ACTB: variants seen among roughly 807,000 people sequenced by gnomAD.
ACTB encodes the protein actin beta, also known as actin, cytoplasmic 1.
ACTB carries 2 observed loss-of-function variants against 30.5 expected under a neutral mutation model. The observed-to-expected ratio is 0.07, with a 90% CI of 0.03 to 0.21. The LOEUF (loss-of-function observed/expected upper bound fraction) is 0.21, where lower values mean the gene tolerates loss of function less well. ACTB is among the 10% of genes least tolerant of loss of function. ACTB has a pLI of 1.00. For synonymous variants in ACTB, 335 were observed against 217.6 expected, an observed-to-expected ratio of 1.54 and a Z score of -4.75; for missense variants, 56 against 530.0, an observed-to-expected ratio of 0.11 and a Z score of 8.78.
intron 3 of ACTB, 154 bp downstream of exon 3, chr7:5,529,007 A>C (rs1296752654): frequency 6.2e-7 from 1 of 1,605,870 alleles, no homozygotes; most frequent in Non-Finnish European, 8.5e-7. Flanking sequence ...TCTGGGAAAA[A>C]GCAAATAGAA....
At position 5,528,064 on chromosome 7, in the gene ACTB, G is replaced by C. The variant is rs1584261529; in HGVS notation, c.924C>G (p.Gly308=). ...TCTCCTTCTGCATCCTGTCGGCAAT[G>C]CCAGGGTACATGGTGGTGCCGCCAG... The part of the protein sequence containing the change: ...VLSGGTTMYP[G]IADRMQKEIT... Residue 308 remains glycine, a synonymous_variant, in exon 5 of 6, where the codon GGC becomes GGG. Transcript: ENST00000646664. The C allele has an allele frequency of 6.2e-7, 1 of 1,614,250 alleles. No individual in the cohort carries two copies. Among genetic ancestry groups the C allele is most frequent in the Non-Finnish European group, 8.5e-7 (1 of 1,180,042 alleles).
chr7:5,529,900 G>A (rs1404744802), intron 1 of ACTB: 3 of 618,366 alleles, frequency 4.9e-6, no homozygotes, highest in South Asian at 1.6e-5. Context: ...CCCCGCCTCC[G>A]CCCGGTTCAA....
chr7:5,527,326 A>G lies in ACTB; in HGVS notation c.*422T>C, dbSNP rs11546889. 1.6e-4 allele frequency: 42 copies of G among 255,660 alleles called. No individual in the cohort carries two copies. Among genetic ancestry groups the G allele is most frequent in the African/African-American group, 9.1e-4 (39 of 42,640 alleles). 15.8% of individuals were successfully genotyped at this position (255,660 alleles called of 1,614,324 possible). A position where few individuals can be genotyped will look rare whatever the true frequency, so the allele number is the denominator to read the frequency against. ...CATTCAAAATAAAACAAAATAAAAA[A>G]GTATTAAGGCGAAGATTAAAAAAAT... On this transcript the variant is annotated 3_prime_UTR_variant, in exon 6 of 6. Transcript: ENST00000646664.
At chr7:5,528,878 C>T in intron 3 of ACTB, 159 bp from the exon 4 acceptor site, 3 of 1,401,952 alleles carry the variant, frequency 2.1e-6, no homozygotes, top group Admixed American at 2.0e-5. Flanking sequence ...TTAATACACA[C>T]TCCAAGGCCG....
Position 5,529,088 on chromosome 7 carries a change from G to A in ACTB, c.363+73C>T, listed in dbSNP as rs760023216. ...CGGAAAACGGCAGAAGAGAGAACCA[G>A]TGAGAAAGGGCGCAGCTCCGGGAGG... On this transcript the variant is annotated intron_variant, in intron 3 of 5. Coordinates refer to ENST00000646664, the MANE Select transcript of ACTB (RefSeq NM_001101.5). The A allele has an allele frequency of 3.1e-6, 5 of 1,613,378 alleles. No homozygotes were observed. In the African/African-American group the frequency reaches 5.3e-5, roughly 17 times the overall value.
At chr7:5,529,797 C>T (rs748307050) in intron 1 of ACTB, 134 bp from the exon 2 acceptor site, 12 of 1,427,170 alleles carry the variant, frequency 8.4e-6, no homozygotes, top group Middle Eastern at 1.8e-4. Flanking sequence ...GGGCCGGCCG[C>T]GTTATTACCA....
At chr7:5,530,463 GGCCGCGGCC>G (rs1402692622) in intron 1 of ACTB, 52 bp downstream of exon 1, 1 of 151,546 alleles carries the variant, frequency 6.6e-6, no homozygotes, top group Non-Finnish European at 1.5e-5. Flanking sequence ...CGGGCGAAGG[GGCCGCGGCC>G]GCCTGCGGCC....
chr7:5,528,504 G>T lies in ACTB; in HGVS notation c.579C>A (p.Leu193=), dbSNP rs759523049. 20 of 1,614,104 alleles carry T rather than the reference G, an allele frequency of 1.2e-5. No individual in the cohort carries two copies. In the South Asian group the frequency reaches 1.8e-4, roughly 14 times the overall value. ...TGGTGAAGCTGTAGCCGCGCTCGGT[G>T]AGGATCTTCATGAGGTAGTCAGTCA... is the stretch of plus-strand genomic sequence containing the variant. ...RDLTDYLMKI[L]TERGYSFTTT... is the part of the protein sequence containing the mutation. Residue 193 remains leucine, a synonymous_variant, in exon 4 of 6, where the codon CTC becomes CTA. Coordinates refer to ENST00000646664, the MANE Select transcript of ACTB (RefSeq NM_001101.5).
At chr7:5,529,738 G>A (rs1053748540) in intron 1 of ACTB, 75 bp from the exon 2 acceptor site, 7 of 1,601,908 alleles carry the variant, frequency 4.4e-6, no homozygotes, top group African/African-American at 1.3e-5. Flanking sequence ...CGAGTCCTTA[G>A]GCCGCCAGGG....
Position 5,527,786 on chromosome 7 carries a change from C to G in ACTB, c.1090G>C (p.Glu364Gln), listed in dbSNP as rs368352689. 6.2e-7 allele frequency: 1 copy of G among 1,613,928 alleles called. No individual in the cohort carries two copies. Among genetic ancestry groups the G allele is most frequent in the Non-Finnish European group, 8.5e-7 (1 of 1,180,018 alleles). ...QMWISKQEYD[E>Q]SGPSIVHRKC... ...CGGTGGACGATGGAGGGGCCGGACT[C>G]GTCATACTCCTGCTTGCTGATCCAC... Residue 364 changes from glutamate (E) to glutamine (Q), a missense_variant, in exon 6 of 6, where the codon GAG becomes CAG. Physicochemically the swap from Glu to Gln is conservative, Grantham distance 29 (BLOSUM62 2). Around this residue, in one of 5 missense-constraint regions of ACTB, gnomAD observed 4 missense variants for 61.9 expected, o/e 0.06. Transcript: ENST00000646664.
At position 5,527,885 on chromosome 7, in the gene ACTB, C is replaced by A. The variant is rs1258464822; in HGVS notation, c.991G>T (p.Ala331Ser). The A allele has an allele frequency of 6.2e-7, 1 of 1,613,830 alleles. No homozygotes were observed. The highest frequency in any genetic ancestry group is 8.5e-7 in the Non-Finnish European group (1 of 1,179,958). Residue 331 changes from alanine to serine, a missense_variant, in exon 6 of 6, where the codon GCT (alanine) becomes TCT (serine). Transcript: ENST00000646664. ...APSTMKIKII[A>S]PPERKYSVWI... ...ACGGAGTACTTGCGCTCAGGAGGAG[C>A]AATGATCTGAGGAGGGAAGGGGACA... is the stretch of plus-strand genomic sequence containing the variant.
chr7:5,527,588 C>A lies in ACTB; in HGVS notation c.*160G>T. On this transcript the variant is annotated 3_prime_UTR_variant, in exon 6 of 6. Coordinates refer to ENST00000646664, the MANE Select transcript of ACTB (RefSeq NM_001101.5). ...GCTCGCTCCAACCGACTGCTGTCAC[C>A]TTCACCGTTCCAGTTTTTAAATCCT... 1 of 1,223,350 alleles carries A rather than the reference C, an allele frequency of 8.2e-7. No homozygotes were observed. Among genetic ancestry groups the A allele is most frequent in the South Asian group, 1.4e-5 (1 of 71,390 alleles). The allele number at this position is 1,223,350 out of a possible 1,614,324, so 75.8% of individuals were successfully genotyped here.
At chr7:5,529,780 G>A (rs751328534) in intron 1 of ACTB, 117 bp from the exon 2 acceptor site, 27 of 1,520,266 alleles carry the variant, frequency 1.8e-5, no homozygotes, top group Admixed American at 9.4e-5. Flanking sequence ...TGGGGACAAA[G>A]GAAGCCGGGC....
At position 5,530,524 on chromosome 7, in the gene ACTB, C is replaced by T. The variant is rs1387880746; in HGVS notation, c.-7G>A. 1 of 152,118 alleles carries T rather than the reference C, an allele frequency of 6.6e-6. No individual in the cohort carries two copies. The highest frequency in any genetic ancestry group is 1.5e-5 in the Non-Finnish European group (1 of 68,196). The allele number at this position is 152,118 out of a possible 1,614,324, so 9.4% of individuals were successfully genotyped here. A position where few individuals can be genotyped will look rare whatever the true frequency, so the allele number is the denominator to read the frequency against. ...GCCCCGGTCGGCTGGCCGGGCTTAC[C>T]TGGCGGCGGGTGTGGACGGGCGGCG... On this transcript the variant is annotated splice_region_variant and 5_prime_UTR_variant, in exon 1 of 6. Transcript: ENST00000646664.
At chr7:5,528,742 G>A in intron 3 of ACTB, 23 bp from the exon 4 acceptor site, 3 of 1,612,280 alleles carry the variant, frequency 1.9e-6, no homozygotes, top group Non-Finnish European at 2.5e-6. Flanking sequence ...GATACACCAT[G>A]TCACACTGGG....
intron 1 of ACTB, among the ~76,000 whole-genome samples, 196 bp downstream of exon 1, chr7:5,530,314 CCGAGCGCGGCCTCG>C (rs1276134810): frequency 6.6e-6 from 1 of 152,020 alleles, no homozygotes; most frequent in Non-Finnish European, 1.5e-5. Context: ...AGCGCGCCTC[CCGAGCGCGGCCTCG>C]CGCCTCCGAA....
Position 5,528,573 on chromosome 7 carries a change from G to C in ACTB, c.510C>G (p.Ala170=), listed in dbSNP as rs1171963440. 3 of 1,613,864 alleles carry C rather than the reference G, an allele frequency of 1.9e-6. No homozygotes were observed. In the South Asian group the frequency reaches 3.3e-5, roughly 18 times the overall value. The change falls in exon 4 of 6, where the codon GCC becomes GCG. Residue 170 remains alanine (A), a synonymous_variant. Transcript: ENST00000646664. ...CCAGACGCAGGATGGCATGGGGGAG[G>C]GCATACCCCTCGTAGATGGGCACAG... ...THTVPIYEGY[A]LPHAILRLDL... is the part of the protein sequence containing the mutation.
At position 5,527,662 on chromosome 7, in the gene ACTB, A is replaced by G. The variant is rs1437260482; in HGVS notation, c.*86T>C. On this transcript the variant is annotated 3_prime_UTR_variant, in exon 6 of 6. Coordinates refer to ENST00000646664, the MANE Select transcript of ACTB (RefSeq NM_001101.5). The stretch of plus-strand genomic sequence containing the variant: ...AAACCAAAACAAAACAAAAAAAACA[A>G]ATAAAGCCATGCCAATCTCATCTTG... 1 of 1,595,522 alleles carries G rather than the reference A, an allele frequency of 6.3e-7. No homozygotes were observed. The highest frequency in any genetic ancestry group is 2.2e-5 in the East Asian group (1 of 44,764).
chr7:5,528,238 T>C, intron 4 of ACTB, 43 bp downstream of exon 4: 1 of 1,613,464 alleles, frequency 6.2e-7, no homozygotes. Context: ...CCCCGAGGGG[T>C]AACCCTCATG....
Sources: allele counts gnomAD v4.1 joint callset (sites outside exome capture counted in the v4.1 genomes callset), GRCh38; gene constraint gnomAD v4.1.1; regional missense constraint gnomAD v4.1.1; transcripts MANE v1.5; gene names NCBI Gene and HGNC (gene_info 2026-07-23, HGNC 2026-07-21).